MYO5A: variants seen among roughly 807,000 people sequenced by gnomAD.
MYO5A encodes unconventional myosin-Va.
A neutral mutation model predicts 249.7 loss-of-function variants in MYO5A; 98 were observed. That is an observed-to-expected ratio of 0.39 (90% CI 0.33 to 0.46). The LOEUF (loss-of-function observed/expected upper bound fraction) is 0.46, where lower values mean the gene tolerates loss of function less well. Ranked by LOEUF, MYO5A falls within the 20% of genes least tolerant of loss-of-function variation. The pLI, the probability that MYO5A is intolerant of heterozygous loss-of-function variation, is 0.98. For synonymous variants in MYO5A, 778 were observed against 810.6 expected (o/e 0.96, Z 0.68); for missense variants, 1,696 against 2,308.8 (o/e 0.73, Z 5.44).
intron 1 of MYO5A, among the ~76,000 whole-genome samples, chr15:52,433,531 C>T (rs1313295932): frequency 1.3e-5 from 2 of 150,252 alleles, no homozygotes; most frequent in Non-Finnish European, 3.0e-5. Flanking sequence ...AGCAATTCTC[C>T]TGCCTCAGCC....
At chr15:52,351,833 T>C (rs1404261471) in intron 27 of MYO5A, among the ~76,000 whole-genome samples, 1 of 152,218 alleles carries the variant, frequency 6.6e-6, no homozygotes, top group African/African-American at 2.4e-5. Context: ...CAGATAAATA[T>C]ATGGGAAATC....
intron 1 of MYO5A, among the ~76,000 whole-genome samples, chr15:52,524,483 G>A (rs913654497): frequency 6.6e-6 from 1 of 152,034 alleles, no homozygotes; most frequent in Admixed American, 6.6e-5. Flanking sequence ...GCACCTGGGA[G>A]GTCGATACTG....
At chr15:52,334,844 TC>T (rs1455088868) in intron 34 of MYO5A, among the ~76,000 whole-genome samples, 3 of 152,166 alleles carry the variant, frequency 2.0e-5, no homozygotes, top group Non-Finnish European at 4.4e-5. Flanking sequence ...ATAAAAGATG[TC>T]GGCCAAATTG....
rs763440706 is a variant in MYO5A at position 52,367,061 on chromosome 15, G to A, written c.3130C>T (p.Arg1044Cys). Residue 1044 changes from arginine (R) to cysteine (C), a missense_variant, in exon 23 of 42, where the codon CGC becomes TGC. Physicochemically the swap from Arg to Cys is radical, Grantham distance 180 (BLOSUM62 -3). This residue lies in a region of MYO5A where 412 missense variants were observed against 453.3 expected (regional missense o/e 0.91). Transcript: ENST00000399233. Reference protein sequence around the residue: ...LKQEKEALNHRIVQQAKEMTE... With the variant: ...LKQEKEALNHCIVQQAKEMTE... ...ATCTCCTTAGCCTGCTGCACGATGC[G>A]GTGATTGAGGGCTTCTTTTTCTTGC... 2.2e-5 allele frequency: 36 copies of A among 1,613,700 alleles called. No homozygotes were observed. The highest frequency in any genetic ancestry group is 2.3e-5 in the Non-Finnish European group (27 of 1,179,780).
intron 1 of MYO5A, among the ~76,000 whole-genome samples, chr15:52,484,757 G>T (rs1252481128): frequency 6.6e-6 from 1 of 152,150 alleles, no homozygotes; most frequent in East Asian, 1.9e-4. Flanking sequence ...CAATTCTCCT[G>T]CCTTAGTCTC....
intron 32 of MYO5A, 26 bp downstream of exon 32, chr15:52,340,170 C>T (rs768719751): frequency 1.2e-6 from 2 of 1,613,170 alleles, no homozygotes; most frequent in Admixed American, 1.7e-5. Context: ...GGTTAAGAAG[C>T]ATGTGGACCC....
chr15:52,409,262 C>T (rs2043143284), intron 6 of MYO5A, among the ~76,000 whole-genome samples: 1 of 152,006 alleles, frequency 6.6e-6, no homozygotes, highest in Admixed American at 6.6e-5. Context: ...TCAATCAAAC[C>T]TCTACTATTT....
At chr15:52,375,196 C>T (rs2041342732) in intron 20 of MYO5A, 108 bp downstream of exon 20, 4 of 1,134,718 alleles carry the variant, frequency 3.5e-6, no homozygotes, top group Admixed American at 3.9e-5. Context: ...AGCTGGTTGT[C>T]CCCATACAGT....
chr15:52,363,505 G>A (rs2040645075), intron 24 of MYO5A, among the ~76,000 whole-genome samples: 1 of 152,198 alleles, frequency 6.6e-6, no homozygotes, highest in Non-Finnish European at 1.5e-5. Context: ...GCAAGGTGAT[G>A]AGAGCCTATC....
At chr15:52,389,124 T>C (rs2042099149) in intron 13 of MYO5A, 114 bp downstream of exon 13, 1 of 1,098,084 alleles carries the variant, frequency 9.1e-7, no homozygotes, top group South Asian at 1.5e-5. Context: ...TGCTGTCCCT[T>C]GAGCCCTAAA....
At chr15:52,497,262 C>T (rs1049516683) in intron 1 of MYO5A, among the ~76,000 whole-genome samples, 9 of 151,600 alleles carry the variant, frequency 5.9e-5, no homozygotes, top group South Asian at 2.1e-4. Flanking sequence ...GCACCCAGCC[C>T]GAGAAAAAAA....
chr15:52,512,055 C>T (rs897472460), intron 1 of MYO5A, among the ~76,000 whole-genome samples: 6 of 151,260 alleles, frequency 4.0e-5, no homozygotes, highest in African/African-American at 1.5e-4. Context: ...CCCAGCCGTT[C>T]GTGAGGCTGA....
chr15:52,394,567 A>T (rs758831697), intron 11 of MYO5A, among the ~76,000 whole-genome samples: 2 of 152,230 alleles, frequency 1.3e-5, no homozygotes, highest in African/African-American at 4.8e-5. Flanking sequence ...AGTTGTGCAG[A>T]ATCGAAGATG....
chr15:52,375,494 A>G, intron 19 of MYO5A, 34 bp from the exon 20 acceptor site: 1 of 1,612,282 alleles, frequency 6.2e-7, no homozygotes, highest in Non-Finnish European at 8.5e-7. Context: ...GTTGTCAGTA[A>G]TCAGAAAAAA....
At chr15:52,336,753 C>T (rs774646521) in intron 33 of MYO5A, among the ~76,000 whole-genome samples, 197 bp from the exon 34 acceptor site, 62 of 152,192 alleles carry the variant, frequency 4.1e-4, no homozygotes, top group Non-Finnish European at 7.2e-4. Flanking sequence ...AAATATACAA[C>T]GCAGTAAACT....
At chr15:52,337,395 A>G (rs547158884) in intron 33 of MYO5A, among the ~76,000 whole-genome samples, 1 of 152,348 alleles carries the variant, frequency 6.6e-6, no homozygotes, top group African/African-American at 2.4e-5. Flanking sequence ...ATGAGTCAGC[A>G]ATGTGTGTGG....
chr15:52,506,962 T>A (rs1347281392), intron 1 of MYO5A, among the ~76,000 whole-genome samples: 1 of 152,252 alleles, frequency 6.6e-6, no homozygotes, highest in South Asian at 2.1e-4. Flanking sequence ...TCACATTACA[T>A]ACTTAAGGAT....
At chr15:52,464,019 C>A (rs1408968299) in intron 1 of MYO5A, among the ~76,000 whole-genome samples, 1 of 152,206 alleles carries the variant, frequency 6.6e-6, no homozygotes, top group Non-Finnish European at 1.5e-5. Context: ...AGCTCCAATA[C>A]TTTCCAACTG....
In MYO5A at chr15:52,310,919, C is replaced by T. The variant is rs2037752201; in HGVS notation, c.*2777G>A. ...GGTTACAAGGTATTCTTGTCAATGA[C>T]TAAAAATCTCCAGGCCACCAAGAGA... On this transcript the variant is annotated 3_prime_UTR_variant, in exon 42 of 42. Transcript: ENST00000399233. 6.6e-6 allele frequency: 1 copy of T among 152,140 alleles called. No individual in the cohort carries two copies. Among genetic ancestry groups the T allele is most frequent in the East Asian group, 1.9e-4 (1 of 5,202 alleles). 9.4% of individuals were successfully genotyped at this position (152,140 alleles called of 1,614,324 possible). A position where few individuals can be genotyped will look rare whatever the true frequency, so the allele number is the denominator to read the frequency against.
Sources: gnomAD v4.1 joint callset for allele counts (sites outside exome capture counted in the v4.1 genomes callset) on GRCh38, gnomAD v4.1.1 for gene constraint, gnomAD v4.1.1 regional missense constraint, MANE v1.5 for transcripts, NCBI Gene and HGNC (gene_info 2026-07-23, HGNC 2026-07-21) for gene names.